Variants in CAST observed in about 807,000 individuals in gnomAD.
CAST encodes calpastatin.
A neutral mutation model predicts 119.6 loss-of-function variants in CAST; 76 were observed. The ratio of observed to expected loss-of-function variants is 0.64; its 90% CI spans 0.53 to 0.77. The LOEUF (loss-of-function observed/expected upper bound fraction) is 0.77, where lower values mean the gene tolerates loss of function less well. Among genes scored for constraint, CAST ranks in the 30% least tolerant of loss-of-function variants. The pLI is 0.00. For missense variants in CAST, 953 were observed against 946.5 expected, an observed-to-expected ratio of 1.01 and a Z score of -0.09; for synonymous variants, 319 against 331.6, an observed-to-expected ratio of 0.96 and a Z score of 0.41.
intron 1 of CAST, among the ~76,000 whole-genome samples, chr5:96,674,253 GCTT>G (rs1247771076): frequency 6.6e-6 from 1 of 151,378 alleles, no homozygotes; most frequent in Non-Finnish European, 1.5e-5. Flanking sequence ...AACAACATGA[GCTT>G]CTTTTTTGTA....
chr5:96,204,125 C>T, the CAST span, among the ~76,000 whole-genome samples: 1 of 152,024 alleles, frequency 6.6e-6, no homozygotes. Flanking sequence ...CCAGTCTCAA[C>T]AACCAATGAC....
chr5:96,460,481 A>T, the CAST span, among the ~76,000 whole-genome samples: 1,243 of 152,118 alleles, frequency 8.2e-3, 26 homozygotes, highest in African/African-American at 0.029. Flanking sequence ...ACCACCATGC[A>T]CATGTATACC....
intron 1 of CAST, among the ~76,000 whole-genome samples, chr5:96,561,796 G>GTTTTTTTTTTTTTTTTTTTTTTTTTTT (rs11375615): frequency 3.1e-5 from 3 of 97,422 alleles, no homozygotes; most frequent in South Asian, 4.2e-4. Context: ...GTTTTTTTTT[G>GTTTTTTTTTTTTTTTTTTTTTTTTTTT]TTTTTTTTTT....
the CAST span, among the ~76,000 whole-genome samples, chr5:96,511,927 G>A: frequency 1.6e-4 from 24 of 152,270 alleles, no homozygotes; most frequent in Middle Eastern, 6.8e-3. Flanking sequence ...CTCCTGGCCC[G>A]GTTACCTGGC....
At chr5:96,293,797 G>A in the CAST span, among the ~76,000 whole-genome samples, 12 of 151,898 alleles carry the variant, frequency 7.9e-5, no homozygotes, top group Admixed American at 1.3e-4. Context: ...TTGCTCTGTC[G>A]TCCAGGCTGG....
chr5:96,503,698 T>C, the CAST span, among the ~76,000 whole-genome samples: 1 of 152,172 alleles, frequency 6.6e-6, no homozygotes, highest in Non-Finnish European at 1.5e-5. Context: ...TGCGGACTCC[T>C]TCTGATAGTC....
At position 96,597,972 on chromosome 5, in the gene CAST, GC is replaced by G. The variant is rs772022711; in HGVS notation, c.60+68093del. Among the ~76,000 whole-genome samples the G allele has an allele frequency of 5.3e-5, 8 of 152,040 alleles. No homozygotes were observed. The East Asian group carries it at 1.4e-3, about 26-fold the overall frequency. On this transcript the variant is annotated intron_variant, in intron 1 of 11. Transcript: ENST00000505143. ...GGGGAGAGGCCAGCAGTACTAGGGG[GC>G]TGGCAGTAGTGAAGTCTGCAAGGCT...
intron 1 of CAST, among the ~76,000 whole-genome samples, chr5:96,534,732 A>AAG (rs1370245185): frequency 4.7e-4 from 9 of 19,158 alleles, no homozygotes; most frequent in African/African-American, 1.3e-3. Context: ...AGAGAGAGAG[A>AAG]GAGAGAGAGA....
At position 96,762,378 on chromosome 5, in the gene CAST, C is replaced by T; in HGVS notation, c.1932+6C>T. 1 of 1,573,476 alleles carries T rather than the reference C, an allele frequency of 6.4e-7. No individual in the cohort carries two copies. Among genetic ancestry groups the T allele is most frequent in the South Asian group, 1.2e-5 (1 of 84,352 alleles). ...CCCCACCCCGTGATACCTCGGTAAGCAGCACATCTTATTTGGGAGATAAAT... is the reference window on the plus strand; with the variant it reads ...CCCCACCCCGTGATACCTCGGTAAGTAGCACATCTTATTTGGGAGATAAAT... On this transcript the variant is annotated splice_donor_region_variant and intron_variant, in intron 25 of 31. Transcript: ENST00000675179.
the CAST span, among the ~76,000 whole-genome samples, chr5:95,978,916 G>A: frequency 6.6e-6 from 1 of 152,164 alleles, no homozygotes; most frequent in Admixed American, 6.5e-5. Flanking sequence ...GGGTTATCAG[G>A]TGGCGACTTA....
At chr5:96,039,725 G>T in the CAST span, among the ~76,000 whole-genome samples, 16 of 152,082 alleles carry the variant, frequency 1.1e-4, no homozygotes, top group African/African-American at 3.9e-4. Context: ...CTGTTCCATT[G>T]GTTTATATAT....
At chr5:96,079,778 A>T in the CAST span, among the ~76,000 whole-genome samples, 1 of 152,274 alleles carries the variant, frequency 6.6e-6, no homozygotes. Context: ...ATTATTTTTA[A>T]CTTAACCATG....
At chr5:96,126,702 A>G in the CAST span, among the ~76,000 whole-genome samples, 1 of 152,122 alleles carries the variant, frequency 6.6e-6, no homozygotes, top group South Asian at 2.1e-4. Context: ...TTATTTGTTT[A>G]TCTCCATGTA....
At chr5:96,628,163 G>C in intron 1 of CAST, among the ~76,000 whole-genome samples, 1 of 152,128 alleles carries the variant, frequency 6.6e-6, no homozygotes, top group Middle Eastern at 3.2e-3. Flanking sequence ...CCACACAAAG[G>C]CCTCTTTTGT....
the CAST span, chr5:96,412,312 T>C: frequency 6.2e-7 from 1 of 1,613,006 alleles, no homozygotes; most frequent in East Asian, 2.2e-5. Context: ...GTGTAAAGCA[T>C]CTTACCTGTT....
the CAST span, among the ~76,000 whole-genome samples, chr5:96,470,377 CA>C: frequency 6.6e-6 from 1 of 151,994 alleles, no homozygotes; most frequent in Admixed American, 6.6e-5. Context: ...TGCACTATAG[CA>C]GTAACCAAAC....
chr5:96,065,022 C>T, the CAST span, among the ~76,000 whole-genome samples: 2 of 152,092 alleles, frequency 1.3e-5, no homozygotes, highest in African/African-American at 4.8e-5. Context: ...CTGGATTAAA[C>T]ATTTTAAAAG....
chr5:96,608,560 A>C (rs1189934874), intron 1 of CAST, among the ~76,000 whole-genome samples: 1 of 152,200 alleles, frequency 6.6e-6, no homozygotes, highest in Non-Finnish European at 1.5e-5. Context: ...ATGAAGAGAA[A>C]GTTCTCATGC....
At chr5:96,317,476 C>CAAA in the CAST span, among the ~76,000 whole-genome samples, 375 of 50,524 alleles carry the variant, frequency 7.4e-3, no homozygotes, top group Middle Eastern at 0.018. Context: ...GACTCCATCT[C>CAAA]AAAAAAAAAA....
Sources: gnomAD v4.1 joint callset for allele counts (sites outside exome capture counted in the v4.1 genomes callset) on GRCh38, gnomAD v4.1.1 for gene constraint, MANE v1.5 for transcripts, NCBI Gene and HGNC (gene_info 2026-07-23, HGNC 2026-07-21) for gene names.